RSRC1: variants seen among roughly 807,000 people sequenced by gnomAD.
The protein encoded by RSRC1 is serine/Arginine-related protein 53.
RSRC1 carries 39 observed loss-of-function variants against 49.1 expected under a neutral mutation model. The ratio of observed to expected loss-of-function variants is 0.79; its 90% CI spans 0.61 to 1.04. The LOEUF is 1.04. RSRC1 is among the 50% of genes least tolerant of loss of function. RSRC1 has a pLI of 0.00. For missense variants in RSRC1, 388 were observed against 402.4 expected (o/e 0.96, Z 0.31); for synonymous variants, 143 against 130.8 (o/e 1.09, Z -0.63).
At chr3:158,508,195 T>C (rs1017614302) in intron 7 of RSRC1, among the ~76,000 whole-genome samples, 1 of 152,196 alleles carries the variant, frequency 6.6e-6, no homozygotes, top group Non-Finnish European at 1.5e-5. Flanking sequence ...TGGAATTTGC[T>C]TCTAAGAACT....
At chr3:158,528,337 A>G (rs760756468) in intron 7 of RSRC1, among the ~76,000 whole-genome samples, 9 of 152,120 alleles carry the variant, frequency 5.9e-5, no homozygotes, top group Non-Finnish European at 1.2e-4. Context: ...CCTGGTTTGA[A>G]TGATGGCTAG....
At chr3:158,496,875 T>C in intron 7 of RSRC1, 1 of 210,980 alleles carries the variant, frequency 4.7e-6, no homozygotes, top group Non-Finnish European at 1.0e-5. Context: ...TTAAGGACTA[T>C]GGCAAAGAAT....
At chr3:158,170,272 GTCT>G (rs1485855685) in intron 3 of RSRC1, among the ~76,000 whole-genome samples, 4 of 146,262 alleles carry the variant, frequency 2.7e-5, no homozygotes, top group Non-Finnish European at 6.0e-5. Context: ...AGGGCCTTAT[GTCT>G]TCTTTTATAT....
chr3:158,376,743 C>A (rs1578403863), intron 6 of RSRC1, among the ~76,000 whole-genome samples: 1 of 152,112 alleles, frequency 6.6e-6, no homozygotes, highest in Non-Finnish European at 1.5e-5. Context: ...CTTTTTCTTT[C>A]TTTTTTCCCC....
At chr3:158,382,868 A>G (rs1732773245) in intron 6 of RSRC1, among the ~76,000 whole-genome samples, 1 of 152,192 alleles carries the variant, frequency 6.6e-6, no homozygotes, top group African/African-American at 2.4e-5. Flanking sequence ...TTGGAGTTTA[A>G]TGCTGAAACT....
chr3:158,444,320 A>G (rs1408039475), intron 6 of RSRC1, among the ~76,000 whole-genome samples: 2 of 152,150 alleles, frequency 1.3e-5, no homozygotes, highest in South Asian at 2.1e-4. Flanking sequence ...ATATAGACCA[A>G]TGGAACAGAA....
chr3:158,528,099 A>G (rs1410759757), intron 7 of RSRC1, among the ~76,000 whole-genome samples: 1 of 151,922 alleles, frequency 6.6e-6, no homozygotes, highest in Non-Finnish European at 1.5e-5. Context: ...TGTTCATTAT[A>G]TATAAAGGTT....
At chr3:158,511,344 A>G (rs370717306) in intron 7 of RSRC1, among the ~76,000 whole-genome samples, 6 of 151,894 alleles carry the variant, frequency 4.0e-5, no homozygotes, top group African/African-American at 4.8e-5. Context: ...TCATTGTTCA[A>G]TTCCCACCTA....
intron 6 of RSRC1, among the ~76,000 whole-genome samples, chr3:158,459,700 T>C (rs920560851): frequency 6.6e-6 from 1 of 152,050 alleles, no homozygotes; most frequent in African/African-American, 2.4e-5. Context: ...ATTTAATAGA[T>C]TCTTGCAATG....
At chr3:158,339,293 C>T (rs1395662749) in intron 5 of RSRC1, among the ~76,000 whole-genome samples, 8 of 108,334 alleles carry the variant, frequency 7.4e-5, no homozygotes, top group African/African-American at 2.6e-4. Context: ...AGCGAGACTC[C>T]GTCTCAAAAA....
intron 4 of RSRC1, among the ~76,000 whole-genome samples, chr3:158,222,659 A>G (rs1722292718): frequency 1.3e-5 from 2 of 151,546 alleles, no homozygotes; most frequent in South Asian, 2.1e-4. Flanking sequence ...CACTTCTTAA[A>G]TTGTTTGACC....
chr3:158,155,002 A>T (rs76994862), intron 3 of RSRC1, among the ~76,000 whole-genome samples: 4,503 of 152,140 alleles, frequency 0.03, 226 homozygotes, highest in African/African-American at 0.1. Context: ...TCCACTTCTA[A>T]TTCTGTTTTT....
chr3:158,347,327 G>A (rs1730609878), intron 5 of RSRC1, among the ~76,000 whole-genome samples: 1 of 152,094 alleles, frequency 6.6e-6, no homozygotes, highest in Non-Finnish European at 1.5e-5. Flanking sequence ...TGAATGTAGT[G>A]ACAAGACTCT....
At chr3:158,361,210 G>A (rs1731451419) in intron 6 of RSRC1, among the ~76,000 whole-genome samples, 1 of 152,162 alleles carries the variant, frequency 6.6e-6, no homozygotes, top group African/African-American at 2.4e-5. Flanking sequence ...GGCAGCCCTT[G>A]GCAGAGCATC....
chr3:158,427,951 C>T (rs1232293487), intron 6 of RSRC1, among the ~76,000 whole-genome samples: 2 of 151,726 alleles, frequency 1.3e-5, no homozygotes, highest in East Asian at 3.9e-4. Context: ...CTTTGATTTA[C>T]ATTATTTGAA....
chr3:158,443,493 C>T (rs149061098), intron 6 of RSRC1, among the ~76,000 whole-genome samples: 9 of 152,202 alleles, frequency 5.9e-5, no homozygotes, highest in African/African-American at 9.6e-5. Flanking sequence ...GCAGCTTCCT[C>T]ACCTCTGTCA....
intron 4 of RSRC1, among the ~76,000 whole-genome samples, chr3:158,269,322 T>C (rs1725374249): frequency 6.6e-6 from 1 of 152,218 alleles, no homozygotes; most frequent in South Asian, 2.1e-4. Flanking sequence ...TAAATTTTTG[T>C]GGTAAGCCTA....
At chr3:158,540,617 A>G (rs1367535620) in intron 8 of RSRC1, among the ~76,000 whole-genome samples, 2 of 152,054 alleles carry the variant, frequency 1.3e-5, no homozygotes, top group Non-Finnish European at 2.9e-5. Flanking sequence ...CATCCCCAAA[A>G]TAGCTCATAA....
chr3:158,348,367 G>A (rs1275799073), intron 5 of RSRC1, among the ~76,000 whole-genome samples: 1 of 152,120 alleles, frequency 6.6e-6, no homozygotes, highest in Non-Finnish European at 1.5e-5. Context: ...ACACTCATGG[G>A]TGGCTCAAAG....
Sources: allele counts gnomAD v4.1 joint callset (sites outside exome capture counted in the v4.1 genomes callset), GRCh38; gene constraint gnomAD v4.1.1; transcripts MANE v1.5; gene names NCBI Gene and HGNC (gene_info 2026-07-23, HGNC 2026-07-21).